The following SCAPER variants were observed in gnomAD, a reference collection of about 807,000 sequenced individuals.
SCAPER encodes S-phase cyclin A associated protein in the ER.
A neutral mutation model predicts 182.2 loss-of-function variants in SCAPER; 98 were observed. That is an observed-to-expected ratio of 0.54 (90% CI 0.46 to 0.64). SCAPER has a LOEUF of 0.64. Ranked by LOEUF, SCAPER falls within the 30% of genes least tolerant of loss-of-function variation. The probability of loss-of-function intolerance (pLI) is 0.00; values close to 1 mark genes in which losing one functional copy is unlikely to be tolerated. For synonymous variants in SCAPER, 605 were observed against 564.6 expected (o/e 1.07, Z -1.01); for missense variants, 1,432 against 1,690.0 (o/e 0.85, Z 2.68).
intron 21 of SCAPER, among the ~76,000 whole-genome samples, chr15:76,623,639 G>A: frequency 6.6e-6 from 1 of 152,106 alleles, no homozygotes; most frequent in East Asian, 1.9e-4. Flanking sequence ...ATGCTCTCTT[G>A]GTTACTGTAG....
intron 5 of SCAPER, among the ~76,000 whole-genome samples, chr15:76,805,423 C>G (rs553232166): frequency 1.4e-4 from 22 of 152,286 alleles, no homozygotes; most frequent in African/African-American, 5.3e-4. Flanking sequence ...TTTGCCAAAA[C>G]TTGCTGCTTT....
At position 76,769,016 on chromosome 15, in the gene SCAPER, A is replaced by T. The variant is rs79448662; in HGVS notation, c.1249-1928T>A. On this transcript the variant is annotated intron_variant, in intron 10 of 31. Transcript: ENST00000563290. ...AAAGAAGTCAAGCAAAGCTTACACA[A>T]TTCAATTTATATAAAACTATCATCA... Among the ~76,000 whole-genome samples the T allele has an allele frequency of 7.8e-3, 1,191 of 152,314 alleles. 11 individuals are homozygous for T. Among genetic ancestry groups the T allele is most frequent in the African/African-American group, 0.027 (1,130 of 41,570 alleles).
chr15:76,770,453 C>G (rs1458415107), intron 10 of SCAPER, among the ~76,000 whole-genome samples: 1 of 152,000 alleles, frequency 6.6e-6, no homozygotes, highest in Non-Finnish European at 1.5e-5. Flanking sequence ...GTGCTTATCA[C>G]CTTATCACCC....
chr15:76,557,033 C>G (rs1428654106), intron 23 of SCAPER, among the ~76,000 whole-genome samples: 1 of 152,018 alleles, frequency 6.6e-6, no homozygotes, highest in Non-Finnish European at 1.5e-5. Context: ...TATAAAGAAT[C>G]TAGGAATGTA....
At chr15:76,569,586 T>C (rs1316671106) in intron 23 of SCAPER, among the ~76,000 whole-genome samples, 4 of 152,142 alleles carry the variant, frequency 2.6e-5, no homozygotes, top group Admixed American at 1.3e-4. Context: ...AATCTGTAAA[T>C]TGATTTGTAA....
intron 22 of SCAPER, among the ~76,000 whole-genome samples, chr15:76,580,896 T>C (rs1354199720): frequency 6.6e-6 from 1 of 151,408 alleles, no homozygotes; most frequent in East Asian, 1.9e-4. Context: ...ATAAACAAAA[T>C]CAACAAACCT....
intron 22 of SCAPER, among the ~76,000 whole-genome samples, chr15:76,575,375 G>T (rs1499020): frequency 6.6e-6 from 1 of 152,152 alleles, no homozygotes; most frequent in Non-Finnish European, 1.5e-5. Flanking sequence ...CTCTTCAAAA[G>T]TCCACCCTTT....
chr15:76,865,042 C>A (rs565610244), intron 2 of SCAPER, among the ~76,000 whole-genome samples: 1 of 152,154 alleles, frequency 6.6e-6, no homozygotes, highest in African/African-American at 2.4e-5. Context: ...CTATAACTAA[C>A]AAAATCAGGA....
chr15:76,633,829 C>A (rs562692928), intron 21 of SCAPER, among the ~76,000 whole-genome samples: 17 of 152,360 alleles, frequency 1.1e-4, no homozygotes, highest in African/African-American at 3.8e-4. Context: ...TCACCCCTCT[C>A]CGCCCGGAAC....
chr15:76,614,005 A>T (rs936582121), intron 22 of SCAPER, among the ~76,000 whole-genome samples: 15 of 152,244 alleles, frequency 9.9e-5, no homozygotes, highest in Non-Finnish European at 1.9e-4. Context: ...TTAAATGCCC[A>T]CAAATGATAG....
intron 26 of SCAPER, among the ~76,000 whole-genome samples, chr15:76,421,776 T>C (rs1005281178): frequency 6.6e-6 from 1 of 152,240 alleles, no homozygotes; most frequent in Non-Finnish European, 1.5e-5. Context: ...AAGTCTTTAA[T>C]CCATCTTGAA....
At chr15:76,835,217 A>G (rs914746096) in intron 5 of SCAPER, among the ~76,000 whole-genome samples, 1 of 152,122 alleles carries the variant, frequency 6.6e-6, no homozygotes, top group African/African-American at 2.4e-5. Context: ...ATGTCTAGGA[A>G]TAAATTAAAC....
Position 76,599,935 on chromosome 15 carries a change from C to G in SCAPER, c.2711+21829G>C, listed in dbSNP as rs2049789518. Among the ~76,000 whole-genome samples, 2 of 121,238 alleles carry G rather than the reference C, an allele frequency of 1.6e-5. 1 individual carries two copies. Among genetic ancestry groups the G allele is most frequent in the Non-Finnish European group, 4.0e-5 (2 of 50,006 alleles). The allele number at this position is 121,238 out of a possible 152,430, so 79.5% of individuals were successfully genotyped here. The stretch of plus-strand genomic sequence containing the variant: ...TTTTACCTCAAAACAAACACACAAA[C>G]AAGGATAAATAATGAACTTGAGTTA... On this transcript the variant is annotated intron_variant, in intron 22 of 31. Transcript: ENST00000563290.
chr15:76,400,207 C>A (rs182054326), intron 27 of SCAPER, among the ~76,000 whole-genome samples: 25 of 152,298 alleles, frequency 1.6e-4, no homozygotes, highest in African/African-American at 5.3e-4. Context: ...TCTGCCATCA[C>A]AAGAGGCAAT....
At chr15:76,356,290 G>A (rs1286821255) in intron 29 of SCAPER, among the ~76,000 whole-genome samples, 1 of 152,098 alleles carries the variant, frequency 6.6e-6, no homozygotes, top group Non-Finnish European at 1.5e-5. Flanking sequence ...CTACCCTTTG[G>A]GGCAGGGGGC....
chr15:76,583,350 CAA>C (rs35851130), intron 22 of SCAPER, among the ~76,000 whole-genome samples: 36 of 105,568 alleles, frequency 3.4e-4, no homozygotes, highest in Admixed American at 6.2e-4. Flanking sequence ...GACTCCATCT[CAA>C]AAAAAAAAAA....
chr15:76,881,436 T>C (rs985513302), intron 2 of SCAPER, among the ~76,000 whole-genome samples: 16 of 152,208 alleles, frequency 1.1e-4, no homozygotes, highest in Non-Finnish European at 1.9e-4. Context: ...CCCATGTTCA[T>C]AGCATCAACA....
At chr15:76,673,118 C>A (rs1234745855) in intron 20 of SCAPER, among the ~76,000 whole-genome samples, 1 of 151,998 alleles carries the variant, frequency 6.6e-6, no homozygotes, top group Non-Finnish European at 1.5e-5. Context: ...GTAAAATTAA[C>A]TTTCAAGCAA....
Position 76,735,095 on chromosome 15 carries a change from C to T in SCAPER, c.1867-1711G>A, listed in dbSNP as rs72740762. Among the ~76,000 whole-genome samples, 1,103 of 152,180 alleles carry T rather than the reference C, an allele frequency of 7.2e-3. 9 individuals carry two copies. The highest frequency in any genetic ancestry group is 0.012 in the Non-Finnish European group (838 of 67,990). ...GTGCAGTGGCTCATGCCTGTAATCCCAGCACGTTAGGAGGGCCGGGCAGGA... is the reference window on the plus strand; with the variant it reads ...GTGCAGTGGCTCATGCCTGTAATCCTAGCACGTTAGGAGGGCCGGGCAGGA... On this transcript the variant is annotated intron_variant, in intron 15 of 31. Transcript: ENST00000563290.
Sources: allele counts gnomAD v4.1 joint callset (sites outside exome capture counted in the v4.1 genomes callset), GRCh38; gene constraint gnomAD v4.1.1; transcripts MANE v1.5; gene names NCBI Gene and HGNC (gene_info 2026-07-23, HGNC 2026-07-21).